The following GRM5 variants were observed in gnomAD, a reference collection of about 807,000 sequenced individuals.
GRM5 encodes the protein glutamate metabotropic receptor 5, also known as metabotropic glutamate receptor 5.
Under a neutral mutation model 83.1 loss-of-function variants are expected in GRM5, and 19 were observed. The ratio of observed to expected loss-of-function variants is 0.23; its 90% CI spans 0.16 to 0.34. The LOEUF (loss-of-function observed/expected upper bound fraction) is 0.34, where lower values mean the gene tolerates loss of function less well. Among genes scored for constraint, GRM5 ranks in the 10% least tolerant of loss-of-function variants. The pLI, the probability that GRM5 is intolerant of heterozygous loss-of-function variation, is 1.00. For synonymous variants in GRM5, 675 were observed against 633.6 expected (o/e 1.07, Z -0.98); for missense variants, 1,160 against 1,588.3 (o/e 0.73, Z 4.58).
At chr11:88,921,077 G>GTTTT (rs33919966) in intron 2 of GRM5, among the ~76,000 whole-genome samples, 5 of 150,914 alleles carry the variant, frequency 3.3e-5, no homozygotes, top group South Asian at 4.2e-4. Flanking sequence ...AGACCACTGC[G>GTTTT]TTTTTTTTTA....
intron 2 of GRM5, among the ~76,000 whole-genome samples, chr11:88,866,812 T>C (rs1332019541): frequency 6.6e-6 from 1 of 152,078 alleles, no homozygotes; most frequent in Non-Finnish European, 1.5e-5. Flanking sequence ...ATTGCCTAGG[T>C]TTTCGTCTAG....
At chr11:88,827,409 TC>T in intron 3 of GRM5, among the ~76,000 whole-genome samples, 1 of 152,328 alleles carries the variant, frequency 6.6e-6, no homozygotes, top group East Asian at 1.9e-4. Flanking sequence ...CATGGAGATT[TC>T]TAGATCTTTT....
At chr11:88,732,074 C>T (rs188383964) in intron 3 of GRM5, among the ~76,000 whole-genome samples, 5 of 152,150 alleles carry the variant, frequency 3.3e-5, no homozygotes, top group Non-Finnish European at 4.4e-5. Context: ...TTTGAAACAT[C>T]CCTGCCTACC....
At chr11:88,514,266 T>C (rs1315196432) in intron 9 of GRM5, among the ~76,000 whole-genome samples, 1 of 152,172 alleles carries the variant, frequency 6.6e-6, no homozygotes, top group Non-Finnish European at 1.5e-5. Context: ...ATCAATAATG[T>C]TATTTGAGGA....
At chr11:88,682,145 C>A (rs1385377548) in intron 3 of GRM5, among the ~76,000 whole-genome samples, 1 of 152,002 alleles carries the variant, frequency 6.6e-6, no homozygotes, top group Non-Finnish European at 1.5e-5. Flanking sequence ...AACTTATTTC[C>A]CTATGGATTT....
chr11:88,949,337 G>T (rs1199870022), intron 2 of GRM5, among the ~76,000 whole-genome samples: 1 of 152,158 alleles, frequency 6.6e-6, no homozygotes, highest in African/African-American at 2.4e-5. Context: ...ACACTATACT[G>T]CACTTGCCTG....
Position 88,509,055 on chromosome 11 carries a change from T to A in GRM5, c.3176A>T (p.Glu1059Val). 1 of 1,557,308 alleles carries A rather than the reference T, an allele frequency of 6.4e-7. No homozygotes were observed. Among genetic ancestry groups the A allele is most frequent in the Non-Finnish European group, 8.7e-7 (1 of 1,150,316 alleles). Residue 1059 changes from glutamate to valine, a missense_variant, in exon 10 of 10, where the codon GAG (glutamate) becomes GTG (valine). Glu to Val is a moderately radical substitution (Grantham distance 121). Coordinates refer to ENST00000305447, the MANE Select transcript of GRM5 (RefSeq NM_001143831.3). The part of the protein sequence containing the change: ...RSSSSQGSLM[E>V]QISSVVTRFT... ...GCGGGTGACCACACTGCTGATCTGC[T>A]CCATGAGGGAGCCCTGCGAGGAGCT... is the stretch of plus-strand genomic sequence containing the variant.
intron 3 of GRM5, among the ~76,000 whole-genome samples, chr11:88,845,074 G>A (rs1590906110): frequency 1.3e-5 from 2 of 152,202 alleles, no homozygotes; most frequent in South Asian, 4.1e-4. Flanking sequence ...AATTTTAAGA[G>A]CAGTTCTAAC....
Position 89,060,609 on chromosome 11 carries a change from G to A in GRM5, c.-201+5167C>T, listed in dbSNP as rs1225886856. ...AAATAGTAGTTATTAGAGCAGGGAT[G>A]AGTCTGCACCAAGACTTTTGCCTGA... On this transcript the variant is annotated intron_variant, in intron 1 of 9. Transcript: ENST00000305447. Among the ~76,000 whole-genome samples, 4 of 152,110 alleles carry A rather than the reference G, an allele frequency of 2.6e-5. No individual in the cohort carries two copies. The East Asian group carries it at 7.7e-4, about 29-fold the overall frequency.
At chr11:88,756,558 T>G (rs1341656142) in intron 3 of GRM5, among the ~76,000 whole-genome samples, 3 of 152,162 alleles carry the variant, frequency 2.0e-5, no homozygotes, top group Non-Finnish European at 4.4e-5. Flanking sequence ...TTTGAGTTTC[T>G]ATAAAATGTA....
rs545635875 is a variant in GRM5 at position 88,942,434 on chromosome 11, G to C, written c.662-92279C>G. ...AGAACAGCAGGAAATACAATTTGAC[G>C]AGTCTCATTCATCCTAAATCCCAGA... On this transcript the variant is annotated intron_variant, in intron 2 of 9. Coordinates refer to ENST00000305447, the MANE Select transcript of GRM5 (RefSeq NM_001143831.3). Among the ~76,000 whole-genome samples, 471 of 152,004 alleles carry C rather than the reference G, an allele frequency of 3.1e-3. 1 individual carries two copies. Among genetic ancestry groups the C allele is most frequent in the African/African-American group, 0.01 (430 of 41,500 alleles).
intron 4 of GRM5, among the ~76,000 whole-genome samples, chr11:88,615,585 C>T (rs1056553968): frequency 2.1e-5 from 3 of 144,086 alleles, no homozygotes; most frequent in Admixed American, 1.4e-4. Context: ...CAGGACTTTA[C>T]AAAATGCTTT....
At chr11:88,735,482 C>A (rs1941893076) in intron 3 of GRM5, among the ~76,000 whole-genome samples, 1 of 152,032 alleles carries the variant, frequency 6.6e-6, no homozygotes, top group African/African-American at 2.4e-5. Flanking sequence ...GCAATAATAA[C>A]TTCCCCAGGA....
chr11:88,990,814 C>T (rs1012322003), intron 2 of GRM5, among the ~76,000 whole-genome samples: 2 of 150,950 alleles, frequency 1.3e-5, no homozygotes, highest in Non-Finnish European at 3.0e-5. Context: ...ATTCAACAAC[C>T]CTTCATGCTA....
chr11:88,702,054 T>C (rs954704546), intron 3 of GRM5, among the ~76,000 whole-genome samples: 8 of 152,122 alleles, frequency 5.3e-5, no homozygotes, highest in Admixed American at 5.3e-4. Context: ...TCCCTTCCTA[T>C]TATGGTAGGG....
At chr11:88,839,102 C>A (rs12293307) in intron 3 of GRM5, among the ~76,000 whole-genome samples, 3,848 of 152,298 alleles carry the variant, frequency 0.025, 175 homozygotes, top group African/African-American at 0.088. Context: ...CATTTTTATG[C>A]ATTTTATACT....
rs140883665 is a variant in GRM5, at chr11:88,641,398, G to T, written c.1147+11770C>A. On this transcript the variant is annotated intron_variant, in intron 4 of 9. Coordinates refer to ENST00000305447, the MANE Select transcript of GRM5 (RefSeq NM_001143831.3). ...ACACATTACCAAAATATATTATGCT[G>T]CCCCTGGCCCCTCAAATCTCATATT... Among the ~76,000 whole-genome samples the T allele has an allele frequency of 2.2e-3, 335 of 151,300 alleles. 3 individuals carry two copies. Among genetic ancestry groups the T allele is most frequent in the African/African-American group, 6.5e-3 (267 of 41,204 alleles).
intron 3 of GRM5, among the ~76,000 whole-genome samples, chr11:88,801,267 T>C (rs886090503): frequency 6.6e-6 from 1 of 152,160 alleles, no homozygotes; most frequent in African/African-American, 2.4e-5. Flanking sequence ...GATTTGTTCC[T>C]ATATGTCTCC....
chr11:89,003,452 T>C (rs1383684761), intron 2 of GRM5, among the ~76,000 whole-genome samples: 1 of 152,018 alleles, frequency 6.6e-6, no homozygotes, highest in Non-Finnish European at 1.5e-5. Context: ...CAGAAAAACT[T>C]TTAAAAGCAA....
Sources: gnomAD v4.1 joint callset for allele counts (sites outside exome capture counted in the v4.1 genomes callset) on GRCh38, gnomAD v4.1.1 for gene constraint, MANE v1.5 for transcripts, NCBI Gene and HGNC (gene_info 2026-07-23, HGNC 2026-07-21) for gene names.